The following RRM2 variants were observed in gnomAD, a reference collection of about 807,000 sequenced individuals.
The protein encoded by RRM2 is ribonucleoside-diphosphate reductase subunit M2.
RRM2 carries 6 observed loss-of-function variants against 45.9 expected under a neutral mutation model. The ratio of observed to expected loss-of-function variants is 0.13; its 90% CI spans 0.07 to 0.26. RRM2 has a LOEUF of 0.26. Ranked by LOEUF, RRM2 falls within the 10% of genes least tolerant of loss-of-function variation. The pLI, the probability that RRM2 is intolerant of heterozygous loss-of-function variation, is 1.00. For missense variants in RRM2, 343 were observed against 489.5 expected, an observed-to-expected ratio of 0.70 and a Z score of 2.82; for synonymous variants, 177 against 173.0, an observed-to-expected ratio of 1.02 and a Z score of -0.18.
At chr2:10,182,538 C>A (rs1245837808) in intron 3 of RRM2, among the ~76,000 whole-genome samples, 1 of 152,144 alleles carries the variant, frequency 6.6e-6, no homozygotes, top group African/African-American at 2.4e-5. Context: ...AGAAGCTGGA[C>A]GCTAGTCCCA....
chr2:10,168,680 C>T (rs1032063027), intron 3 of RRM2, among the ~76,000 whole-genome samples: 1 of 152,218 alleles, frequency 6.6e-6, no homozygotes, highest in Non-Finnish European at 1.5e-5. Context: ...GCCGGCTCCT[C>T]CACCTTCCAG....
At chr2:10,137,174 A>T (rs1663002364), upstream of RRM2, among the ~76,000 whole-genome samples, 1 of 152,124 alleles carries the variant, frequency 6.6e-6, no homozygotes, top group Non-Finnish European at 1.5e-5. Context: ...CATTTTACAG[A>T]TATGGCCGGG....
Position 10,204,718 on chromosome 2 carries a change from C to T in RRM2, n.483-5593C>T, listed in dbSNP as rs1426961685. On this transcript the variant is annotated intron_variant and non_coding_transcript_variant, in intron 3 of 3. Transcript: ENST00000381786. This position sits in a 1 kb window ranked among gnomAD's most constrained non-coding sequence, Gnocchi z 4.0. ...ACTAATTTGTTTAATTACTCATTGC[C>T]GCATCTGTTCTCAATTGCCCTATGC... Among the ~76,000 whole-genome samples, 2 of 152,230 alleles carry T rather than the reference C, an allele frequency of 1.3e-5. No homozygotes were observed. Among genetic ancestry groups the T allele is most frequent in the African/African-American group, 2.4e-5 (1 of 41,464 alleles).
chr2:10,162,281 C>T (rs16855898), intron 3 of RRM2, among the ~76,000 whole-genome samples: 3,346 of 152,220 alleles, frequency 0.022, 120 homozygotes, highest in African/African-American at 0.075. Context: ...TCGTTCATGT[C>T]GATTCTCTCA....
intron 3 of RRM2, among the ~76,000 whole-genome samples, chr2:10,183,810 C>T (rs1054644107): frequency 6.9e-6 from 1 of 144,560 alleles, no homozygotes; most frequent in Non-Finnish European, 1.5e-5. Context: ...AAAAAAAAGG[C>T]CAGGTGCGGT....
chr2:10,126,837 G>C (rs968159068), intron 5 of RRM2, 38 bp from the exon 6 acceptor site: 3 of 1,530,456 alleles, frequency 2.0e-6, no homozygotes, highest in African/African-American at 1.4e-5. Flanking sequence ...GTCTTTTACT[G>C]TAATGCTTCA....
chr2:10,150,143 A>G (rs1663275331), intron 3 of RRM2, among the ~76,000 whole-genome samples: 1 of 152,030 alleles, frequency 6.6e-6, no homozygotes, highest in African/African-American at 2.4e-5. Context: ...GTGAAACCCC[A>G]TCTCTACTAA....
In RRM2 at chr2:10,205,267, C is replaced by G. The variant is rs1664642485; in HGVS notation, n.483-5044C>G. ...GGTATTGACGATCAGCGAACAGTCT[C>G]CTGGGGAGTCAGCTTGAATGGGGCC... On this transcript the variant is annotated intron_variant and non_coding_transcript_variant, in intron 3 of 3. Coordinates refer to the RRM2 transcript ENST00000381786. The surrounding 1 kb of genome is among the most constrained non-coding windows in gnomAD (Gnocchi z 4.8). 6.6e-6 allele frequency among the ~76,000 whole-genome samples: 1 copy of G among 152,188 alleles called. No homozygotes were observed. Among genetic ancestry groups the G allele is most frequent in the African/African-American group, 2.4e-5 (1 of 41,444 alleles).
intron 3 of RRM2, among the ~76,000 whole-genome samples, chr2:10,170,660 G>A (rs1398734703): frequency 6.6e-6 from 1 of 151,942 alleles, no homozygotes; most frequent in Non-Finnish European, 1.5e-5. Flanking sequence ...GGTCATTTAC[G>A]GCCTGGGTCT....
At chr2:10,140,589 C>A (rs1663062588), upstream of RRM2, among the ~76,000 whole-genome samples, 1 of 152,180 alleles carries the variant, frequency 6.6e-6, no homozygotes, top group Non-Finnish European at 1.5e-5. Context: ...GAGTGCTAAC[C>A]AGTCACTCTA....
chr2:10,180,791 G>A (rs559712384), intron 3 of RRM2, among the ~76,000 whole-genome samples: 16 of 151,930 alleles, frequency 1.1e-4, no homozygotes, highest in African/African-American at 3.1e-4. Flanking sequence ...GAGATGAGAC[G>A]GAGTCTCACT....
intron 4 of RRM2, chr2:10,124,063 TG>T (rs905443593): frequency 2.9e-5 from 16 of 555,244 alleles, no homozygotes; most frequent in African/African-American, 9.5e-5. Context: ...CAATATTAAG[TG>T]GTAGCAATGT....
In RRM2 at chr2:10,151,955, TA is replaced by T. The variant is rs1156806120; in HGVS notation, n.482+9581del. Among the ~76,000 whole-genome samples the T allele has an allele frequency of 2.5e-4, 7 of 28,482 alleles. No individual in the cohort carries two copies. In the African/African-American group the frequency reaches 3.6e-3, roughly 15 times the overall value. The allele number at this position is 28,482 out of a possible 152,430, so 18.7% of individuals were successfully genotyped here. ...CCCATTTATTTTTTATTTTTTATTT[TA>T]TTTTTTTTTTGAGGCAGTGTCTTGC... On this transcript the variant is annotated intron_variant and non_coding_transcript_variant, in intron 3 of 3. Transcript: ENST00000381786.
At chr2:10,142,689 A>G (rs945373811) in intron 3 of RRM2, among the ~76,000 whole-genome samples, 1 of 147,792 alleles carries the variant, frequency 6.8e-6, no homozygotes, top group African/African-American at 2.5e-5. Context: ...CCCCACCTTC[A>G]CCCTCCGCCA....
intron 3 of RRM2, among the ~76,000 whole-genome samples, chr2:10,201,388 C>A (rs1366959224): frequency 6.6e-6 from 1 of 152,148 alleles, no homozygotes; most frequent in Non-Finnish European, 1.5e-5. Flanking sequence ...AAAGGACCAA[C>A]AATATTCCGA....
Position 10,122,766 on chromosome 2 carries a change from T to A in RRM2, c.-33T>A, listed in dbSNP as rs1662684590. On this transcript the variant is annotated 5_prime_UTR_variant, in exon 1 of 10. Transcript: ENST00000304567. ...GCACCCTGTCCCAGCCGTCCTGTCC[T>A]GGCTGCTCGCTCTGCTTCGCTGCGC... The A allele has an allele frequency of 6.4e-7, 1 of 1,563,934 alleles. No homozygotes were observed. Among genetic ancestry groups the A allele is most frequent in the Admixed American group, 1.9e-5 (1 of 51,942 alleles).
chr2:10,192,855 C>G (rs1306550939), intron 3 of RRM2, among the ~76,000 whole-genome samples: 2 of 152,238 alleles, frequency 1.3e-5, no homozygotes, highest in African/African-American at 4.8e-5. Flanking sequence ...CAGCTTCCAA[C>G]TGATGACCCC....
Position 10,204,176 on chromosome 2 carries a change from G to C in RRM2, n.483-6135G>C, listed in dbSNP as rs561332426. 3.9e-5 allele frequency among the ~76,000 whole-genome samples: 6 copies of C among 152,156 alleles called. No individual in the cohort carries two copies. The South Asian group carries it at 1.2e-3, about 32-fold the overall frequency. The stretch of plus-strand genomic sequence containing the variant: ...CTGTGCTTGAGACAAGCAGAAGATA[G>C]ACTTCTTTCACCTGGGGCCTGGCTT... On this transcript the variant is annotated intron_variant and non_coding_transcript_variant, in intron 3 of 3. Transcript: ENST00000381786. The surrounding 1 kb of genome is among the most constrained non-coding windows in gnomAD (Gnocchi z 4.0).
chr2:10,164,009 C>CGTGT (rs370774780), intron 3 of RRM2, among the ~76,000 whole-genome samples: 58 of 150,132 alleles, frequency 3.9e-4, no homozygotes, highest in African/African-American at 6.8e-4. Context: ...TGAATGTGTG[C>CGTGT]GTGTGTGTGT....
Sources: allele counts gnomAD v4.1 joint callset (sites outside exome capture counted in the v4.1 genomes callset), GRCh38; gene constraint gnomAD v4.1.1; non-coding constraint Gnocchi (gnomAD v3.1); transcripts MANE v1.5; gene names NCBI Gene and HGNC (gene_info 2026-07-23, HGNC 2026-07-21).